CLIP1: variants seen among roughly 807,000 people sequenced by gnomAD.
CLIP1 encodes the protein CAP-Gly domain containing linker protein 1.
In CLIP1, 66 loss-of-function variants were observed where a neutral mutation model predicts 161.6. The ratio of observed to expected loss-of-function variants is 0.41; its 90% CI spans 0.33 to 0.50. The LOEUF (loss-of-function observed/expected upper bound fraction) is 0.50. CLIP1 is among the 20% of genes least tolerant of loss of function. The pLI, the probability that CLIP1 is intolerant of heterozygous loss-of-function variation, is 0.27. For synonymous variants in CLIP1, 598 were observed against 626.2 expected (o/e 0.96, Z 0.67); for missense variants, 1,376 against 1,702.0 (o/e 0.81, Z 3.37).
chr12:122,402,693 T>G (rs1219576708), intron 1 of CLIP1, among the ~76,000 whole-genome samples: 1 of 151,818 alleles, frequency 6.6e-6, no homozygotes, highest in Non-Finnish European at 1.5e-5. Flanking sequence ...GGAGAATTGC[T>G]TGAACCCAGG....
chr12:122,308,191 A>G (rs752575807), intron 20 of CLIP1, among the ~76,000 whole-genome samples: 4 of 152,210 alleles, frequency 2.6e-5, no homozygotes, highest in Non-Finnish European at 5.9e-5. Context: ...TCTGAGTGAC[A>G]GAGACAAGAA....
intron 20 of CLIP1, among the ~76,000 whole-genome samples, chr12:122,304,453 C>T (rs1950794044): frequency 6.6e-6 from 1 of 152,152 alleles, no homozygotes; most frequent in South Asian, 2.1e-4. Flanking sequence ...CTCTGCCTCC[C>T]GGGTTCAAGT....
intron 1 of CLIP1, among the ~76,000 whole-genome samples, chr12:122,385,446 TC>T (rs1955215322): frequency 6.6e-6 from 1 of 152,098 alleles, no homozygotes; most frequent in African/African-American, 2.4e-5. Context: ...TTTCTTACAC[TC>T]CCAGGGGATA....
chr12:122,275,626 ACACACACACACACACGCG>A (rs1181479879), intron 24 of CLIP1: 1 of 85,888 alleles, frequency 1.2e-5, no homozygotes, highest in African/African-American at 8.6e-5. Flanking sequence ...AGAAAAAAAT[ACACACACACACACACGCG>A]CACACACACA....
chr12:122,285,908 C>T (rs780706190), intron 21 of CLIP1, among the ~76,000 whole-genome samples: 5 of 151,688 alleles, frequency 3.3e-5, no homozygotes, highest in South Asian at 4.2e-4. Context: ...TTAAATACCC[C>T]GAGGCCCACA....
At position 122,387,568 on chromosome 12, in the gene CLIP1, A is replaced by T. The variant is rs1347537861; in HGVS notation, c.-106-7010T>A. ...TTTTCATATATATATATATATATAT[A>T]TATATATATATATATATATATATTT... On this transcript the variant is annotated intron_variant, in intron 1 of 25. Transcript: ENST00000620786. Among the ~76,000 whole-genome samples the T allele has an allele frequency of 5.9e-4, 13 of 22,216 alleles. 3 individuals are homozygous for T. The highest frequency in any genetic ancestry group is 1.9e-3 in the Admixed American group (3 of 1,598). The allele number at this position is 22,216 out of a possible 152,430, so 14.6% of individuals were successfully genotyped here.
intron 1 of CLIP1, among the ~76,000 whole-genome samples, chr12:122,408,617 G>A (rs890982533): frequency 1.9e-4 from 29 of 151,990 alleles, no homozygotes; most frequent in African/African-American, 7.0e-4. Flanking sequence ...CAAAGTGCTG[G>A]GATTACAGGT....
At chr12:122,294,125 C>G (rs981265822) in intron 20 of CLIP1, among the ~76,000 whole-genome samples, 13 of 150,562 alleles carry the variant, frequency 8.6e-5, no homozygotes, top group South Asian at 2.1e-4. Flanking sequence ...TCAGGAGATC[C>G]AGACCATCCT....
intron 18 of CLIP1, among the ~76,000 whole-genome samples, chr12:122,317,833 G>A (rs909271342): frequency 6.6e-6 from 1 of 152,130 alleles, no homozygotes; most frequent in African/African-American, 2.4e-5. Flanking sequence ...CAATGGGTCC[G>A]AAAATATGGT....
chr12:122,398,781 G>T (rs966072501), intron 1 of CLIP1, among the ~76,000 whole-genome samples: 1 of 152,000 alleles, frequency 6.6e-6, no homozygotes, highest in East Asian at 1.9e-4. Flanking sequence ...GACTGAGGTG[G>T]GAGGATCGCT....
intron 20 of CLIP1, among the ~76,000 whole-genome samples, chr12:122,298,036 C>T (rs1950539903): frequency 6.6e-6 from 1 of 152,172 alleles, no homozygotes; most frequent in Non-Finnish European, 1.5e-5. Context: ...GAGCTCCCCA[C>T]GGCATTGGTC....
chr12:122,339,230 A>C (rs10846664), intron 11 of CLIP1, among the ~76,000 whole-genome samples: 1 of 152,092 alleles, frequency 6.6e-6, no homozygotes, highest in Non-Finnish European at 1.5e-5. Flanking sequence ...GGGACAGATC[A>C]TGTTCTCATT....
intron 1 of CLIP1, among the ~76,000 whole-genome samples, chr12:122,409,137 T>G (rs562897625): frequency 9.7e-4 from 144 of 148,962 alleles, no homozygotes; most frequent in African/African-American, 3.5e-3. Flanking sequence ...TCTTTTTCTT[T>G]TTTTTTGAGA....
chr12:122,300,754 TTC>T (rs1212471694), intron 20 of CLIP1, among the ~76,000 whole-genome samples: 1 of 152,216 alleles, frequency 6.6e-6, no homozygotes, highest in African/African-American at 2.4e-5. Context: ...CACTTCCACT[TTC>T]TTTCAGTCCT....
chr12:122,414,691 C>G (rs1038834158), intron 1 of CLIP1, among the ~76,000 whole-genome samples: 8 of 151,858 alleles, frequency 5.3e-5, no homozygotes, highest in Admixed American at 3.9e-4. Flanking sequence ...GTCTTGATCT[C>G]TTGACCTTGT....
At chr12:122,396,113 AAAAAAG>A (rs1224724940) in intron 1 of CLIP1, 3 of 152,136 alleles carry the variant, frequency 2.0e-5, no homozygotes, top group Admixed American at 1.3e-4. Flanking sequence ...CTCAAAAAAA[AAAAAAG>A]AAAAAGGAAA....
intron 20 of CLIP1, among the ~76,000 whole-genome samples, chr12:122,304,485 C>T (rs917710851): frequency 1.3e-5 from 2 of 152,120 alleles, no homozygotes; most frequent in South Asian, 2.1e-4. Flanking sequence ...CTCAGTCTCC[C>T]GAGTAGCCAG....
At chr12:122,390,201 T>TA (rs1955554308) in intron 1 of CLIP1, among the ~76,000 whole-genome samples, 2 of 127,626 alleles carry the variant, frequency 1.6e-5, no homozygotes, top group Non-Finnish European at 3.4e-5. Flanking sequence ...ATATATAATA[T>TA]ATATATACAC....
chr12:122,291,469 T>A (rs1950247106), intron 20 of CLIP1, among the ~76,000 whole-genome samples: 2 of 152,192 alleles, frequency 1.3e-5, no homozygotes, highest in African/African-American at 4.8e-5. Flanking sequence ...GGATTACAGG[T>A]GTGAGCTATC....
Sources: allele counts gnomAD v4.1 joint callset (sites outside exome capture counted in the v4.1 genomes callset), GRCh38; gene constraint gnomAD v4.1.1; transcripts MANE v1.5; gene names NCBI Gene and HGNC (gene_info 2026-07-23, HGNC 2026-07-21).